Variants in LPP observed in about 807,000 individuals in gnomAD.
LPP encodes the protein lipoma-preferred partner.
In LPP, 38 loss-of-function variants were observed where a neutral mutation model predicts 60.4. The observed-to-expected ratio is 0.63, with a 90% confidence interval of 0.49 to 0.83. LPP has a LOEUF of 0.83. LPP is among the 40% of genes least tolerant of loss of function. LPP has a pLI of 0.00. For missense variants in LPP, 902 were observed against 783.6 expected, an observed-to-expected ratio of 1.15 and a Z score of -1.80; for synonymous variants, 328 against 290.8, an observed-to-expected ratio of 1.13 and a Z score of -1.30.
At chr3:188,274,381 C>G (rs1344347463) in intron 2 of LPP, among the ~76,000 whole-genome samples, 1 of 152,188 alleles carries the variant, frequency 6.6e-6, no homozygotes, top group Non-Finnish European at 1.5e-5. Context: ...ACTGTAAATT[C>G]CTTGAGGTCA....
intron 9 of LPP, among the ~76,000 whole-genome samples, chr3:188,800,241 G>A (rs1404974383): frequency 2.3e-5 from 2 of 87,608 alleles, no homozygotes; most frequent in East Asian, 4.3e-4. Flanking sequence ...AAATGTTGAA[G>A]CTTTCTTTTT....
chr3:188,349,981 C>T (rs1159645129), intron 3 of LPP, among the ~76,000 whole-genome samples: 1 of 152,178 alleles, frequency 6.6e-6, no homozygotes, highest in African/African-American at 2.4e-5. Flanking sequence ...GCACGTTCAG[C>T]TGGTCTAGTA....
At chr3:188,228,512 C>T (rs1177191006) in intron 2 of LPP, among the ~76,000 whole-genome samples, 8 of 152,224 alleles carry the variant, frequency 5.3e-5, no homozygotes, top group Non-Finnish European at 7.4e-5. Flanking sequence ...AGCTGGGCAT[C>T]GTGGCTCACA....
At chr3:188,522,069 C>T (rs1044423263) in intron 5 of LPP, among the ~76,000 whole-genome samples, 13 of 152,188 alleles carry the variant, frequency 8.5e-5, no homozygotes, top group East Asian at 1.9e-4. Flanking sequence ...TTATTACTGC[C>T]CTTTGATATA....
chr3:188,238,797 G>A (rs1203051849), intron 2 of LPP, among the ~76,000 whole-genome samples: 2 of 152,130 alleles, frequency 1.3e-5, no homozygotes, highest in African/African-American at 4.8e-5. Context: ...GTTACCAAAA[G>A]GTGACACAGA....
intron 4 of LPP, among the ~76,000 whole-genome samples, chr3:188,482,690 G>T (rs759642832): frequency 2.0e-5 from 3 of 152,128 alleles, no homozygotes; most frequent in Non-Finnish European, 4.4e-5. Flanking sequence ...TAAAACTACT[G>T]AATGGAATGC....
chr3:188,367,743 A>C (rs965813413), intron 3 of LPP, among the ~76,000 whole-genome samples: 1 of 152,170 alleles, frequency 6.6e-6, no homozygotes, highest in Non-Finnish European at 1.5e-5. Context: ...CCCATTGTGG[A>C]GATTCTTGAT....
At chr3:188,871,476 T>A (rs1164968948) in intron 10 of LPP, among the ~76,000 whole-genome samples, 1 of 152,218 alleles carries the variant, frequency 6.6e-6, no homozygotes, top group East Asian at 1.9e-4. Flanking sequence ...GCTTTTTGGG[T>A]GCTGCCAGGA....
intron 9 of LPP, among the ~76,000 whole-genome samples, chr3:188,773,519 T>C (rs1027998098): frequency 6.6e-6 from 1 of 152,186 alleles, no homozygotes; most frequent in African/African-American, 2.4e-5. Flanking sequence ...ACATCTGTGA[T>C]GACTTTTTAA....
chr3:188,164,772 C>T (rs186351108), intron 1 of LPP, among the ~76,000 whole-genome samples: 1 of 152,288 alleles, frequency 6.6e-6, no homozygotes, highest in East Asian at 1.9e-4. Flanking sequence ...CCAGTAGTGA[C>T]AGCTGGACAG....
intron 6 of LPP, among the ~76,000 whole-genome samples, chr3:188,542,010 T>A (rs1384980551): frequency 6.6e-6 from 1 of 152,166 alleles, no homozygotes; most frequent in Non-Finnish European, 1.5e-5. Context: ...CTAATAAAAA[T>A]TTGCATTACC....
At position 188,573,846 on chromosome 3, in the gene LPP, G is replaced by A. The variant is rs139564377; in HGVS notation, c.430-35315G>A. ...AAGGGCTTCAACTGGAAAAGAGGGC[G>A]TCTCTAATCAATAGTTTAGACAAGT... On this transcript the variant is annotated intron_variant, in intron 6 of 11. Transcript: ENST00000617246. Among the ~76,000 whole-genome samples the A allele has an allele frequency of 4.5e-3, 690 of 152,080 alleles. 5 individuals are homozygous for A. Among genetic ancestry groups the A allele is most frequent in the African/African-American group, 0.015 (627 of 41,480 alleles).
chr3:188,242,681 G>A (rs1418762968), intron 2 of LPP, among the ~76,000 whole-genome samples: 1 of 152,158 alleles, frequency 6.6e-6, no homozygotes, highest in East Asian at 1.9e-4. Flanking sequence ...CCAGAACTGG[G>A]CCAGGTGATC....
intron 8 of LPP, chr3:188,709,189 T>C (rs1245913031): frequency 6.6e-6 from 1 of 152,094 alleles, no homozygotes; most frequent in African/African-American, 2.4e-5. Flanking sequence ...ATTTATGAAT[T>C]ATATGCCGAT....
intron 8 of LPP, among the ~76,000 whole-genome samples, chr3:188,724,089 C>T (rs1030183630): frequency 2.6e-5 from 4 of 152,108 alleles, no homozygotes; most frequent in African/African-American, 9.7e-5. Flanking sequence ...AAGACTAGTA[C>T]ATATTGAGCA....
At chr3:188,804,633 T>G (rs1403663385) in intron 9 of LPP, among the ~76,000 whole-genome samples, 1 of 152,004 alleles carries the variant, frequency 6.6e-6, no homozygotes, top group Non-Finnish European at 1.5e-5. Context: ...AAGATTTAAA[T>G]TACATTTTCT....
chr3:188,295,396 GA>G (rs1393327161), intron 2 of LPP, among the ~76,000 whole-genome samples: 3 of 152,182 alleles, frequency 2.0e-5, no homozygotes, highest in Admixed American at 1.3e-4. Flanking sequence ...TTCATCTAGT[GA>G]CAAAACCACA....
At chr3:188,618,275 C>T (rs1431148989) in intron 7 of LPP, among the ~76,000 whole-genome samples, 1 of 152,136 alleles carries the variant, frequency 6.6e-6, no homozygotes. Flanking sequence ...GAATGATCTT[C>T]AAATAATACA....
intron 1 of LPP, among the ~76,000 whole-genome samples, chr3:188,208,499 C>G (rs1403258126): frequency 1.3e-5 from 2 of 152,186 alleles, no homozygotes; most frequent in Non-Finnish European, 2.9e-5. Context: ...TGGGAGCATC[C>G]TCAGTGCTCT....
Sources: gnomAD v4.1 joint callset for allele counts (sites outside exome capture counted in the v4.1 genomes callset) on GRCh38, gnomAD v4.1.1 for gene constraint, MANE v1.5 for transcripts, NCBI Gene and HGNC (gene_info 2026-07-23, HGNC 2026-07-21) for gene names.